The following NDST3 variants were observed in gnomAD, a reference collection of about 807,000 sequenced individuals.
NDST3 encodes the protein N-deacetylase and N-sulfotransferase 3.
A neutral mutation model predicts 96.1 loss-of-function variants in NDST3; 58 were observed. That is an observed-to-expected ratio of 0.60 (90% confidence interval 0.49 to 0.75). The LOEUF is 0.75. Among genes scored for constraint, NDST3 ranks in the 30% least tolerant of loss-of-function variants. NDST3 has a pLI of 0.00. For synonymous variants in NDST3, 333 were observed against 359.7 expected, an observed-to-expected ratio of 0.93 and a Z score of 0.84; for missense variants, 788 against 1,034.2, an observed-to-expected ratio of 0.76 and a Z score of 3.27.
chr4:118,202,464 C>T (rs1738152990), intron 6 of NDST3, among the ~76,000 whole-genome samples: 1 of 152,042 alleles, frequency 6.6e-6, no homozygotes, highest in South Asian at 2.1e-4. Context: ...TGGAATGTTT[C>T]CCCATTTATG....
intron 6 of NDST3, among the ~76,000 whole-genome samples, chr4:118,166,172 C>A (rs1034507520): frequency 1.3e-5 from 2 of 150,346 alleles, no homozygotes; most frequent in South Asian, 2.1e-4. Context: ...TAGTTACTAA[C>A]AAAAAAGGAA....
At chr4:118,158,627 T>C (rs192072175) in intron 6 of NDST3, among the ~76,000 whole-genome samples, 2 of 152,318 alleles carry the variant, frequency 1.3e-5, no homozygotes, top group East Asian at 3.9e-4. Context: ...TACACAGCCT[T>C]AAGGTTTAAT....
chr4:118,077,114 C>A (rs1021473116), intron 2 of NDST3, among the ~76,000 whole-genome samples: 14 of 152,182 alleles, frequency 9.2e-5, no homozygotes, highest in African/African-American at 2.9e-4. Flanking sequence ...GTACAGGGCC[C>A]TTGGCTTTGT....
chr4:118,213,406 A>T (rs1346188708), intron 6 of NDST3, among the ~76,000 whole-genome samples: 2 of 152,068 alleles, frequency 1.3e-5, no homozygotes, highest in East Asian at 3.9e-4. Context: ...ACTTCTAAAA[A>T]TTTTTCCCAG....
rs1730903281 is a variant in NDST3, at chr4:118,114,593, G to A, written c.1070-213G>A. Among the ~76,000 whole-genome samples, 3 of 152,284 alleles carry A rather than the reference G, an allele frequency of 2.0e-5. No individual in the cohort carries two copies. The South Asian group carries it at 6.2e-4, about 32-fold the overall frequency. On this transcript the variant is annotated intron_variant, in intron 3 of 13. Transcript: ENST00000296499. ...CAGTGATTTCATATCCATGTCTCAT[G>A]TTTAATAACATTTAAGAGTTTTACA...
At chr4:118,034,326 C>A (rs1724026563), upstream of NDST3, 1 of 152,144 alleles carries the variant, frequency 6.6e-6, no homozygotes, top group Non-Finnish European at 1.5e-5. Flanking sequence ...ATCTGTCTTC[C>A]CCCGAAGTGG....
intron 4 of NDST3, among the ~76,000 whole-genome samples, chr4:118,124,298 T>C (rs1012367342): frequency 2.0e-5 from 3 of 152,088 alleles, no homozygotes; most frequent in Non-Finnish European, 4.4e-5. Context: ...ATGGAAGTAA[T>C]GGTGAGAGGA....
chr4:118,104,145 T>C (rs1225273479), intron 2 of NDST3, among the ~76,000 whole-genome samples: 2 of 152,166 alleles, frequency 1.3e-5, no homozygotes, highest in Admixed American at 6.6e-5. Flanking sequence ...TAAGGTGTGA[T>C]AGAGTAGAAG....
At chr4:118,060,350 T>C (rs1439598995) in intron 2 of NDST3, among the ~76,000 whole-genome samples, 1 of 152,156 alleles carries the variant, frequency 6.6e-6, no homozygotes, top group East Asian at 1.9e-4. Flanking sequence ...TTTGTTTTGC[T>C]TAATGCTAAT....
chr4:118,189,533 T>C (rs942288954), intron 6 of NDST3, among the ~76,000 whole-genome samples: 7 of 152,278 alleles, frequency 4.6e-5, no homozygotes, highest in African/African-American at 1.2e-4. Flanking sequence ...CTGTCAAATA[T>C]GTCAAAGGTT....
chr4:118,145,569 G>C (rs1733878510), intron 6 of NDST3, among the ~76,000 whole-genome samples: 2 of 152,046 alleles, frequency 1.3e-5, no homozygotes, highest in Non-Finnish European at 2.9e-5. Flanking sequence ...TATTGTCTTT[G>C]TTTTTAAAAA....
At chr4:118,253,457 A>G (rs1355635926) in intron 12 of NDST3, 42 bp from the exon 13 acceptor site, 1 of 1,389,888 alleles carries the variant, frequency 7.2e-7, no homozygotes, top group Non-Finnish European at 1.0e-6. Flanking sequence ...TGGTTGAAAA[A>G]TGATTTTCTG....
intron 6 of NDST3, among the ~76,000 whole-genome samples, chr4:118,202,531 C>G (rs1738158430): frequency 6.6e-6 from 1 of 152,086 alleles, no homozygotes; most frequent in African/African-American, 2.4e-5. Flanking sequence ...GATCTTTCAC[C>G]TCCTTGGCTA....
chr4:118,247,930 A>G (rs186249711), intron 12 of NDST3, among the ~76,000 whole-genome samples: 2 of 152,330 alleles, frequency 1.3e-5, no homozygotes, highest in East Asian at 3.9e-4. Flanking sequence ...TCAATTCAGT[A>G]TTCACCCATA....
At chr4:118,161,521 C>A (rs1260235782) in intron 6 of NDST3, among the ~76,000 whole-genome samples, 1 of 152,154 alleles carries the variant, frequency 6.6e-6, no homozygotes. Flanking sequence ...GTGGTGGGCT[C>A]CACCCAGTTC....
At chr4:118,180,414 T>C (rs1481690204) in intron 6 of NDST3, among the ~76,000 whole-genome samples, 1 of 152,172 alleles carries the variant, frequency 6.6e-6, no homozygotes, top group African/African-American at 2.4e-5. Context: ...GCTGCATCTA[T>C]GTTGCTGCAA....
intron 12 of NDST3, among the ~76,000 whole-genome samples, chr4:118,250,197 G>A (rs373691250): frequency 9.9e-5 from 15 of 152,236 alleles, no homozygotes; most frequent in South Asian, 2.1e-4. Flanking sequence ...CATTGCATTC[G>A]AGTAAAAACC....
At chr4:118,117,333 G>C (rs1731210854) in intron 4 of NDST3, among the ~76,000 whole-genome samples, 1 of 152,000 alleles carries the variant, frequency 6.6e-6, no homozygotes. Flanking sequence ...ATTATATCTA[G>C]TATCACAAAA....
chr4:118,061,610 T>C (rs1454774061), intron 2 of NDST3, among the ~76,000 whole-genome samples: 1 of 152,162 alleles, frequency 6.6e-6, no homozygotes, highest in East Asian at 1.9e-4. Flanking sequence ...AAAATAATTG[T>C]GGTTTTTGCC....
Sources: gnomAD v4.1 joint callset for allele counts (sites outside exome capture counted in the v4.1 genomes callset) on GRCh38, gnomAD v4.1.1 for gene constraint, MANE v1.5 for transcripts, NCBI Gene and HGNC (gene_info 2026-07-23, HGNC 2026-07-21) for gene names.